The following CHSY3 variants were observed in gnomAD, a reference collection of about 807,000 sequenced individuals.
CHSY3 encodes chondroitin sulfate synthase 3, also known as N-acetylgalactosaminyl-proteoglycan 3-beta-glucuronosyltransferase 3.
A neutral mutation model predicts 67.2 loss-of-function variants in CHSY3; 35 were observed. The observed-to-expected ratio is 0.52, with a 90% confidence interval of 0.40 to 0.69. The LOEUF (loss-of-function observed/expected upper bound fraction) is 0.69, where lower values mean the gene tolerates loss of function less well. Ranked by LOEUF, CHSY3 falls within the 30% of genes least tolerant of loss-of-function variation. The pLI is 0.00. For synonymous variants in CHSY3, 474 were observed against 434.7 expected (o/e 1.09, Z -1.12); for missense variants, 1,069 against 1,138.5 (o/e 0.94, Z 0.88).
chr5:130,091,942 T>A (rs1214459547), intron 2 of CHSY3, among the ~76,000 whole-genome samples: 1 of 152,152 alleles, frequency 6.6e-6, no homozygotes, highest in African/African-American at 2.4e-5. Context: ...CCAAGTGAGA[T>A]CACCTACAGT....
intron 2 of CHSY3, among the ~76,000 whole-genome samples, chr5:130,089,653 T>A (rs1222915896): frequency 6.6e-6 from 1 of 152,138 alleles, no homozygotes; most frequent in Admixed American, 6.6e-5. Context: ...CTGAGAAACA[T>A]GATACATGAA....
At chr5:130,045,445 G>A (rs1580679836) in intron 2 of CHSY3, among the ~76,000 whole-genome samples, 2 of 152,188 alleles carry the variant, frequency 1.3e-5, no homozygotes, top group East Asian at 1.9e-4. Flanking sequence ...AGATGTGAAT[G>A]AGGGGATGCA....
At chr5:129,908,795 A>G (rs911187458) in intron 2 of CHSY3, among the ~76,000 whole-genome samples, 1 of 152,028 alleles carries the variant, frequency 6.6e-6, no homozygotes, top group African/African-American at 2.4e-5. Context: ...TTGTTTTTAA[A>G]TGGTTAAAAT....
chr5:130,154,671 T>C (rs981806541), intron 2 of CHSY3, among the ~76,000 whole-genome samples: 1 of 152,226 alleles, frequency 6.6e-6, no homozygotes, highest in African/African-American at 2.4e-5. Context: ...TTAATAGTAA[T>C]ATGTTAATTA....
chr5:130,149,361 G>C (rs1404598433), intron 2 of CHSY3, among the ~76,000 whole-genome samples: 2 of 152,164 alleles, frequency 1.3e-5, no homozygotes, highest in African/African-American at 2.4e-5. Flanking sequence ...TTCTGAGGAG[G>C]CCTCTGTAAA....
chr5:129,964,539 T>C (rs138348226), intron 2 of CHSY3, among the ~76,000 whole-genome samples: 2 of 151,918 alleles, frequency 1.3e-5, no homozygotes, highest in Admixed American at 6.6e-5. Context: ...TCCCTGTCAA[T>C]GTTATGTGCC....
chr5:129,972,308 G>T (rs1762665302), intron 2 of CHSY3, among the ~76,000 whole-genome samples: 2 of 151,998 alleles, frequency 1.3e-5, no homozygotes, highest in Non-Finnish European at 2.9e-5. Context: ...AATCATGAGT[G>T]AGAAGGGGAT....
intron 2 of CHSY3, among the ~76,000 whole-genome samples, chr5:129,917,945 A>G (rs1760785616): frequency 6.6e-6 from 1 of 152,208 alleles, no homozygotes; most frequent in Non-Finnish European, 1.5e-5. Flanking sequence ...ATTTGTTTTT[A>G]TCAATTTTCC....
rs577086861 is a variant in CHSY3 at position 129,956,194 on chromosome 5, G to A, written c.1086+47834G>A. On this transcript the variant is annotated intron_variant, in intron 2 of 2. Coordinates refer to ENST00000305031, the MANE Select transcript of CHSY3 (RefSeq NM_175856.5). ...GCATTTTTTTTCTCCAAAACCTTGC[G>A]GCGTGTTATTTTTTGACATTTTAAT... is the stretch of plus-strand genomic sequence containing the variant. Among the ~76,000 whole-genome samples, 7 of 151,908 alleles carry A rather than the reference G, an allele frequency of 4.6e-5. No individual in the cohort carries two copies. In the East Asian group the frequency reaches 5.8e-4, roughly 13 times the overall value.
chr5:130,113,882 A>G (rs1767676135), intron 2 of CHSY3, among the ~76,000 whole-genome samples: 1 of 152,222 alleles, frequency 6.6e-6, no homozygotes, highest in Admixed American at 6.5e-5. Flanking sequence ...AGTGGAGGCA[A>G]TAAGAATTAG....
In CHSY3 at chr5:130,071,435, G is replaced by C. The variant is rs564870727; in HGVS notation, c.1087-112794G>C. Among the ~76,000 whole-genome samples, 56 of 152,068 alleles carry C rather than the reference G, an allele frequency of 3.7e-4. 1 individual carries two copies. In the South Asian group the frequency reaches 7.9e-3, roughly 21 times the overall value. ...CAGTTTGGACAGTTTAAATAAATGA[G>C]TGAAAAGACTCATATCTGTGGGAGA... On this transcript the variant is annotated intron_variant, in intron 2 of 2. Transcript: ENST00000305031.
At position 129,949,751 on chromosome 5, in the gene CHSY3, A is replaced by G. The variant is rs542973721; in HGVS notation, c.1086+41391A>G. ...AAACCAAATTTAATAGCACTTTACA[A>G]ACATCATTCACCATGATCAAGTAGA... is the stretch of plus-strand genomic sequence containing the variant. On this transcript the variant is annotated intron_variant, in intron 2 of 2. Coordinates refer to ENST00000305031, the MANE Select transcript of CHSY3 (RefSeq NM_175856.5). Among the ~76,000 whole-genome samples the G allele has an allele frequency of 3.3e-5, 5 of 152,318 alleles. No homozygotes were observed. In the South Asian group the frequency reaches 1.0e-3, roughly 32 times the overall value.
At chr5:129,951,096 T>C (rs1762011913) in intron 2 of CHSY3, among the ~76,000 whole-genome samples, 1 of 152,314 alleles carries the variant, frequency 6.6e-6, no homozygotes, top group Middle Eastern at 3.4e-3. Context: ...CAAGCATTTA[T>C]GGTCAACTAG....
At chr5:130,077,126 A>AT (rs1766291490) in intron 2 of CHSY3, among the ~76,000 whole-genome samples, 1 of 151,676 alleles carries the variant, frequency 6.6e-6, no homozygotes, top group African/African-American at 2.4e-5. Context: ...AAGAAAAAAA[A>AT]TTTAAAAAAA....
At chr5:130,026,110 C>G (rs560359536) in intron 2 of CHSY3, among the ~76,000 whole-genome samples, 14 of 152,198 alleles carry the variant, frequency 9.2e-5, no homozygotes, top group African/African-American at 3.4e-4. Context: ...GACCATGTTA[C>G]CAAGGAGAGT....
chr5:129,932,704 A>G (rs1001298280), intron 2 of CHSY3, among the ~76,000 whole-genome samples: 1 of 152,148 alleles, frequency 6.6e-6, no homozygotes, highest in Non-Finnish European at 1.5e-5. Flanking sequence ...TCTTATGCTA[A>G]TTCTGAATTA....
chr5:130,184,786 C>T lies in CHSY3; in HGVS notation c.1644C>T (p.His548=). ...ATTTACTCCTTTTATACAAAAGACA[C>T]AAGGGAAGGAAACTGACTGTGCCAG... is the stretch of plus-strand genomic sequence containing the variant. The part of the protein sequence containing the change: ...ILDLLLLYKR[H]KGRKLTVPVR... Residue 548 remains histidine, a synonymous_variant, in exon 3 of 3, where the codon CAC becomes CAT. Coordinates refer to ENST00000305031, the MANE Select transcript of CHSY3 (RefSeq NM_175856.5). The T allele has an allele frequency of 6.2e-7, 1 of 1,605,136 alleles. No homozygotes were observed.
chr5:130,137,721 A>C (rs1378301289), intron 2 of CHSY3, among the ~76,000 whole-genome samples: 1 of 152,196 alleles, frequency 6.6e-6, no homozygotes, highest in Non-Finnish European at 1.5e-5. Context: ...TTTTCTCTTA[A>C]ATATTCCCTA....
chr5:130,144,341 C>T (rs77256716), intron 2 of CHSY3, among the ~76,000 whole-genome samples: 8,591 of 151,976 alleles, frequency 0.057, 347 homozygotes, highest in Non-Finnish European at 0.081. Context: ...ACAAAATCAA[C>T]ACACAAAAAT....
Sources: gnomAD v4.1 joint callset for allele counts (sites outside exome capture counted in the v4.1 genomes callset) on GRCh38, gnomAD v4.1.1 for gene constraint, MANE v1.5 for transcripts, NCBI Gene and HGNC (gene_info 2026-07-23, HGNC 2026-07-21) for gene names.